The following ZFYVE9 variants were observed in gnomAD, a reference collection of about 807,000 sequenced individuals.
The protein encoded by ZFYVE9 is zinc finger FYVE domain-containing protein 9.
A neutral mutation model predicts 126.7 loss-of-function variants in ZFYVE9; 43 were observed. The observed-to-expected ratio is 0.34, with a 90% CI of 0.27 to 0.44. ZFYVE9 has a LOEUF of 0.44. Among genes scored for constraint, ZFYVE9 ranks in the 20% least tolerant of loss-of-function variants. ZFYVE9 has a pLI of 1.00. For synonymous variants in ZFYVE9, 521 were observed against 597.4 expected, an observed-to-expected ratio of 0.87 and a Z score of 1.87; for missense variants, 1,476 against 1,697.0, an observed-to-expected ratio of 0.87 and a Z score of 2.29.
At chr1:52,227,767 C>G (rs1302451348) in intron 2 of ZFYVE9, among the ~76,000 whole-genome samples, 1 of 152,190 alleles carries the variant, frequency 6.6e-6, no homozygotes, top group East Asian at 1.9e-4. Context: ...TATTGGCACT[C>G]TATTCCATCC....
chr1:52,143,634 A>G (rs1486938497), intron 1 of ZFYVE9, among the ~76,000 whole-genome samples: 1 of 152,222 alleles, frequency 6.6e-6, no homozygotes, highest in Admixed American at 6.5e-5. Flanking sequence ...TAAAATTATT[A>G]TTTCTGTATA....
chr1:52,159,724 G>A (rs1023003595), intron 1 of ZFYVE9, among the ~76,000 whole-genome samples: 12 of 152,120 alleles, frequency 7.9e-5, no homozygotes, highest in Non-Finnish European at 1.5e-4. Flanking sequence ...GTTGATATAA[G>A]CGACATACCT....
chr1:52,237,940 C>T lies in ZFYVE9; in HGVS notation c.523C>T (p.Gln175Ter). Residue 175 changes from glutamine (Q) to a stop codon, truncating the protein, a stop_gained, in exon 4 of 19, where the codon CAA becomes TAA. Coordinates refer to ENST00000287727, the MANE Select transcript of ZFYVE9 (RefSeq NM_004799.4). LOFTEE classifies it high-confidence loss of function. ...DLQDCNNYNS[Q>*]SLMDAFSCSL... ...ACAGGATTGTAATAATTATAATAGT[C>T]AATCCCTTATGGATGCTTTTAGCTG... 6.2e-7 allele frequency: 1 copy of T among 1,614,002 alleles called. No individual in the cohort carries two copies. Among genetic ancestry groups the T allele is most frequent in the Non-Finnish European group, 8.5e-7 (1 of 1,179,958 alleles).
chr1:52,328,171 G>A (rs553985582), intron 13 of ZFYVE9, among the ~76,000 whole-genome samples: 15 of 152,280 alleles, frequency 9.9e-5, no homozygotes, highest in Admixed American at 2.0e-4. Flanking sequence ...GTGACATAGA[G>A]CTGTGCTTTG....
chr1:52,320,214 G>A (rs906620880), intron 13 of ZFYVE9, among the ~76,000 whole-genome samples: 2 of 151,858 alleles, frequency 1.3e-5, no homozygotes, highest in South Asian at 2.1e-4. Flanking sequence ...GGGATTACAG[G>A]CACATGCCAC....
chr1:52,240,295 T>TA (rs1645320595), intron 4 of ZFYVE9, among the ~76,000 whole-genome samples: 1 of 152,204 alleles, frequency 6.6e-6, no homozygotes. Flanking sequence ...ATTTTTGAGA[T>TA]ATGGTGTCAG....
chr1:52,162,273 C>T, intron 1 of ZFYVE9: 1 of 337,130 alleles, frequency 3.0e-6, no homozygotes. Flanking sequence ...TACCGGTAAT[C>T]ATAGTCTTCA....
At chr1:52,160,977 A>G (rs890719570) in intron 1 of ZFYVE9, among the ~76,000 whole-genome samples, 6 of 152,200 alleles carry the variant, frequency 3.9e-5, no homozygotes, top group African/African-American at 1.2e-4. Context: ...TTGAGATTGC[A>G]TTAGCCTGTT....
At chr1:52,254,783 G>A (rs183010907) in intron 4 of ZFYVE9, among the ~76,000 whole-genome samples, 42 of 152,032 alleles carry the variant, frequency 2.8e-4, no homozygotes, top group Non-Finnish European at 2.4e-4. Context: ...CCCAGGTAAC[G>A]CAGTGAGACC....
chr1:52,227,837 T>G (rs1317771361), intron 2 of ZFYVE9, among the ~76,000 whole-genome samples: 1 of 152,198 alleles, frequency 6.6e-6, no homozygotes, highest in East Asian at 1.9e-4. Context: ...CCTGGCTTCA[T>G]GTAGAAAGCT....
At chr1:52,267,370 A>G (rs763638613) in intron 6 of ZFYVE9, among the ~76,000 whole-genome samples, 7 of 152,244 alleles carry the variant, frequency 4.6e-5, no homozygotes, top group African/African-American at 1.7e-4. Flanking sequence ...TATGATAGGT[A>G]GAAAATTACA....
intron 1 of ZFYVE9, among the ~76,000 whole-genome samples, chr1:52,172,899 G>T (rs1644587309): frequency 6.6e-6 from 1 of 151,974 alleles, no homozygotes; most frequent in Non-Finnish European, 1.5e-5. Flanking sequence ...AGGAGATTTT[G>T]GGCTGAGACA....
At chr1:52,156,406 A>G (rs745346379) in intron 1 of ZFYVE9, among the ~76,000 whole-genome samples, 5 of 152,132 alleles carry the variant, frequency 3.3e-5, no homozygotes, top group Non-Finnish European at 7.4e-5. Context: ...AATCTTTGAG[A>G]TCCTTAAAGG....
At chr1:52,331,471 G>T (rs985043649) in intron 13 of ZFYVE9, among the ~76,000 whole-genome samples, 3 of 150,436 alleles carry the variant, frequency 2.0e-5, no homozygotes, top group Non-Finnish European at 3.0e-5. Context: ...AAAAAGTGTC[G>T]GCCGGGTGCA....
intron 13 of ZFYVE9, among the ~76,000 whole-genome samples, chr1:52,319,112 A>G (rs1646214116): frequency 6.6e-6 from 1 of 152,176 alleles, no homozygotes; most frequent in Non-Finnish European, 1.5e-5. Context: ...AAAAACCACA[A>G]CATCAAAAAT....
At chr1:52,332,972 G>A in intron 14 of ZFYVE9, 54 bp downstream of exon 14, 1 of 1,606,572 alleles carries the variant, frequency 6.2e-7, no homozygotes, top group Non-Finnish European at 8.5e-7. Flanking sequence ...ACTGGACTTG[G>A]ACAGTTAGAT....
chr1:52,344,688 G>T, intron 17 of ZFYVE9, 80 bp from the exon 18 acceptor site: 2 of 1,411,742 alleles, frequency 1.4e-6, no homozygotes. Context: ...GGAGAATCAG[G>T]GTGCTCATAT....
chr1:52,325,335 T>TTAAA (rs540843540), intron 13 of ZFYVE9, among the ~76,000 whole-genome samples: 26 of 151,490 alleles, frequency 1.7e-4, no homozygotes, highest in African/African-American at 2.4e-4. Flanking sequence ...CTCTAAAAAA[T>TTAAA]TAAATAAATA....
At chr1:52,217,989 C>G (rs776551829) in intron 2 of ZFYVE9, among the ~76,000 whole-genome samples, 1 of 152,138 alleles carries the variant, frequency 6.6e-6, no homozygotes, top group African/African-American at 2.4e-5. Flanking sequence ...TGTGATTTAT[C>G]CAGTCTACGT....
Sources: gnomAD v4.1 joint callset for allele counts (sites outside exome capture counted in the v4.1 genomes callset) on GRCh38, gnomAD v4.1.1 for gene constraint, MANE v1.5 for transcripts, NCBI Gene and HGNC (gene_info 2026-07-23, HGNC 2026-07-21) for gene names.